Variants in CCDC69 observed in about 807,000 individuals in gnomAD.
CCDC69 encodes the protein coiled-coil domain-containing protein 69.
CCDC69 carries 38 observed loss-of-function variants against 40.3 expected under a neutral mutation model. That is an observed-to-expected ratio of 0.94 (90% CI 0.73 to 1.24). The LOEUF is 1.24. Ranked by LOEUF, CCDC69 falls within the 50% of genes most tolerant of loss-of-function variation. The pLI, the probability that CCDC69 is intolerant of heterozygous loss-of-function variation, is 0.00. For missense variants in CCDC69, 389 were observed against 357.9 expected (o/e 1.09, Z -0.70); for synonymous variants, 141 against 138.9 (o/e 1.02, Z -0.11).
intron 4 of CCDC69, 146 bp from the exon 5 acceptor site, chr5:151,187,605 T>A: frequency 3.1e-6 from 2 of 635,476 alleles, no homozygotes; most frequent in Non-Finnish European, 5.6e-6. Flanking sequence ...TCCTTCTGTC[T>A]CCTAGGCTTG....
rs1234925875 is a variant in CCDC69, at chr5:151,185,423, ACT to A, written c.612_613del (p.Val205GlufsTer19). 1.1e-5 allele frequency: 18 copies of A among 1,613,852 alleles called. No homozygotes were observed. The highest frequency in any genetic ancestry group is 1.5e-5 in the Non-Finnish European group (18 of 1,179,792). Reference sequence around the variant, plus strand: ...CCCCAGCCACTCCCAGTCACAGACCACTGTTTCCATGAGGATCAGCCGCCTGT... The same window carrying A: ...CCCCAGCCACTCCCAGTCACAGACCAGTTTCCATGAGGATCAGCCGCCTGT... On this transcript the variant is annotated frameshift_variant and splice_region_variant, in exon 7 of 9. Coordinates refer to ENST00000355417, the MANE Select transcript of CCDC69 (RefSeq NM_015621.3). LOFTEE classifies it high-confidence loss of function.
intron 1 of CCDC69, among the ~76,000 whole-genome samples, chr5:151,217,954 C>T (rs776627161): frequency 7.9e-5 from 12 of 151,710 alleles, no homozygotes; most frequent in Admixed American, 2.6e-4. Flanking sequence ...TAGAAAATGG[C>T]GAGGAAAGCC....
chr5:151,184,240 G>A lies in CCDC69; in HGVS notation c.713+104C>T, dbSNP rs564759507. 156 of 827,056 alleles carry A rather than the reference G, an allele frequency of 1.9e-4. No homozygotes were observed. In the African/African-American group the frequency reaches 2.2e-3, roughly 12 times the overall value. The allele number at this position is 827,056 out of a possible 1,614,324, so 51.2% of individuals were successfully genotyped here. ...GCCACATTCCCTAAATAGGCCCTGG[G>A]CCCACCTGTCAGTCCATTCCTCAGG... On this transcript the variant is annotated intron_variant, in intron 8 of 8. Coordinates refer to ENST00000355417, the MANE Select transcript of CCDC69 (RefSeq NM_015621.3).
chr5:151,195,742 C>T (rs1057509078), intron 4 of CCDC69, among the ~76,000 whole-genome samples: 2 of 126,546 alleles, frequency 1.6e-5, no homozygotes, highest in African/African-American at 6.1e-5. Flanking sequence ...AAAAAAAACA[C>T]GCACACTCAC....
At position 151,206,935 on chromosome 5, in the gene CCDC69, T is replaced by C. The variant is rs531613691; in HGVS notation, c.49-1460A>G. Reference sequence around the variant, plus strand: ...GTGAGCCACCGCACTCGACCTTTTTTTACTTTTTGAGACAGAGTCTTGCTC... The same window carrying C: ...GTGAGCCACCGCACTCGACCTTTTTCTACTTTTTGAGACAGAGTCTTGCTC... On this transcript the variant is annotated intron_variant, in intron 1 of 8. Coordinates refer to ENST00000355417, the MANE Select transcript of CCDC69 (RefSeq NM_015621.3). 1.0e-4 allele frequency among the ~76,000 whole-genome samples: 14 copies of C among 137,726 alleles called. No individual in the cohort carries two copies. In the South Asian group the frequency reaches 2.8e-3, roughly 27 times the overall value. 90.4% of individuals were successfully genotyped at this position (137,726 alleles called of 152,430 possible).
chr5:151,203,504 C>T (rs11949785), intron 2 of CCDC69, among the ~76,000 whole-genome samples: 13,578 of 144,274 alleles, frequency 0.094, 903 homozygotes, highest in East Asian at 0.35. Flanking sequence ...AGTGAAACTC[C>T]GTCTCAAAAA....
intron 4 of CCDC69, among the ~76,000 whole-genome samples, chr5:151,190,611 A>C (rs149117894): frequency 0.023 from 3,363 of 148,208 alleles, 59 homozygotes; most frequent in Middle Eastern, 0.073. Flanking sequence ...GTTTGCAATG[A>C]GCCCAGCTCA....
intron 5 of CCDC69, 59 bp downstream of exon 5, chr5:151,187,327 C>T: frequency 6.6e-7 from 1 of 1,506,600 alleles, no homozygotes; most frequent in Non-Finnish European, 9.2e-7. Flanking sequence ...CTCCATGCTG[C>T]TTTCCCATTG....
intron 2 of CCDC69, among the ~76,000 whole-genome samples, chr5:151,203,778 TA>T: frequency 7.3e-6 from 1 of 137,566 alleles, no homozygotes; most frequent in East Asian, 2.0e-4. Flanking sequence ...ATATATATAC[TA>T]ATAAATAAAA....
At chr5:151,194,891 C>CAA (rs59836328) in intron 4 of CCDC69, among the ~76,000 whole-genome samples, 971 of 92,210 alleles carry the variant, frequency 0.011, 41 homozygotes, top group African/African-American at 0.034. Flanking sequence ...GCCTCCATCT[C>CAA]AAAAAAAAAA....
In CCDC69 at chr5:151,183,353, C is replaced by T; in HGVS notation, c.*84G>A. The T allele has an allele frequency of 1.4e-6, 2 of 1,452,078 alleles. No individual in the cohort carries two copies. Among genetic ancestry groups the T allele is most frequent in the East Asian group, 4.8e-5 (2 of 41,514 alleles). 89.9% of individuals were successfully genotyped at this position (1,452,078 alleles called of 1,614,324 possible). A position where few individuals can be genotyped will look rare whatever the true frequency, so the allele number is the denominator to read the frequency against. ...ACCCTCGTTCCTTCCTGGAAAAGAA[C>T]TGAGAGGCTCCTGCTGTCTTCTCCA... On this transcript the variant is annotated 3_prime_UTR_variant, in exon 9 of 9. Transcript: ENST00000355417.
chr5:151,219,326 C>A (rs1000017543), intron 1 of CCDC69, among the ~76,000 whole-genome samples: 1 of 152,152 alleles, frequency 6.6e-6, no homozygotes, highest in African/African-American at 2.4e-5. Context: ...AACCCCCGCC[C>A]CCCTTCTAAA....
chr5:151,200,722 C>T (rs897648379), intron 3 of CCDC69, among the ~76,000 whole-genome samples: 1 of 152,154 alleles, frequency 6.6e-6, no homozygotes, highest in Non-Finnish European at 1.5e-5. Flanking sequence ...CCAGTCTTTC[C>T]TCATGTTTCA....
chr5:151,191,967 C>A (rs1241067310), intron 4 of CCDC69, among the ~76,000 whole-genome samples: 1 of 150,798 alleles, frequency 6.6e-6, no homozygotes, highest in Non-Finnish European at 1.5e-5. Flanking sequence ...TACCTATAGT[C>A]TCAACTACTC....
Position 151,224,060 on chromosome 5 carries a change from G to T in CCDC69, c.-90C>A. 8.6e-7 allele frequency: 1 copy of T among 1,169,030 alleles called. No homozygotes were observed. Among genetic ancestry groups the T allele is most frequent in the Non-Finnish European group, 1.2e-6 (1 of 853,334 alleles). The allele number at this position is 1,169,030 out of a possible 1,614,324, so 72.4% of individuals were successfully genotyped here. On this transcript the variant is annotated 5_prime_UTR_variant, in exon 1 of 9. Coordinates refer to ENST00000355417, the MANE Select transcript of CCDC69 (RefSeq NM_015621.3). ...GGGCCCCGCTGCCCGCTCCGCGCCC[G>T]CCGGCTGGGGCTGCCGGCGAGACCC...
chr5:151,195,951 CG>C (rs1184486381), intron 4 of CCDC69, among the ~76,000 whole-genome samples: 1 of 151,968 alleles, frequency 6.6e-6, no homozygotes, highest in Non-Finnish European at 1.5e-5. Context: ...TGTGAAATAC[CG>C]GCAACATTAT....
chr5:151,185,902 G>A, intron 6 of CCDC69, 121 bp downstream of exon 6: 3 of 717,480 alleles, frequency 4.2e-6, no homozygotes, highest in Non-Finnish European at 7.5e-6. Context: ...CCAGGCCCTT[G>A]TGTAGGTAAG....
chr5:151,223,286 T>C (rs978910525), intron 1 of CCDC69, among the ~76,000 whole-genome samples: 11 of 152,166 alleles, frequency 7.2e-5, no homozygotes, highest in African/African-American at 2.7e-4. Flanking sequence ...CAGAACGCAG[T>C]AGATCTCCTC....
intron 3 of CCDC69, among the ~76,000 whole-genome samples, chr5:151,201,210 A>C (rs1367480371): frequency 1.3e-5 from 2 of 152,232 alleles, no homozygotes; most frequent in Non-Finnish European, 2.9e-5. Context: ...TGGCAACTAA[A>C]TGCTTGCCCT....
Sources: allele counts gnomAD v4.1 joint callset (sites outside exome capture counted in the v4.1 genomes callset), GRCh38; gene constraint gnomAD v4.1.1; transcripts MANE v1.5; gene names NCBI Gene and HGNC (gene_info 2026-07-23, HGNC 2026-07-21).